The following ITPR1 variants were observed in gnomAD, a reference collection of about 807,000 sequenced individuals.
ITPR1 encodes inositol 1,4,5-trisphosphate receptor type 1, also known as inositol 1,4,5-trisphosphate-gated calcium channel ITPR1.
Under a neutral mutation model 318.4 loss-of-function variants are expected in ITPR1, and 96 were observed. The ratio of observed to expected loss-of-function variants is 0.30; its 90% CI spans 0.26 to 0.36. The LOEUF (loss-of-function observed/expected upper bound fraction) is 0.36, where lower values mean the gene tolerates loss of function less well. Among genes scored for constraint, ITPR1 ranks in the 10% least tolerant of loss-of-function variants. The pLI, the probability that ITPR1 is intolerant of heterozygous loss-of-function variation, is 1.00. For missense variants in ITPR1, 2,440 were observed against 3,460.2 expected (o/e 0.71, Z 7.40); for synonymous variants, 1,312 against 1,289.9 (o/e 1.02, Z -0.37).
At chr3:4,656,882 C>T (rs943556389) in intron 12 of ITPR1, among the ~76,000 whole-genome samples, 2 of 152,180 alleles carry the variant, frequency 1.3e-5, no homozygotes, top group African/African-American at 2.4e-5. Context: ...GAAAATCACG[C>T]GATGTAGAGT....
At chr3:4,727,398 C>T (rs1477586904) in intron 42 of ITPR1, among the ~76,000 whole-genome samples, 1 of 81,356 alleles carries the variant, frequency 1.2e-5, no homozygotes, top group Non-Finnish European at 4.2e-5. Context: ...CAAATAATGA[C>T]CAAGTAAACT....
chr3:4,749,006 G>A (rs1205335775), intron 44 of ITPR1, among the ~76,000 whole-genome samples: 2 of 152,188 alleles, frequency 1.3e-5, no homozygotes, highest in Non-Finnish European at 2.9e-5. Context: ...GCTGACAGAT[G>A]GGCTGATGCG....
intron 34 of ITPR1, among the ~76,000 whole-genome samples, chr3:4,699,598 A>G (rs183452791): frequency 6.6e-6 from 1 of 152,244 alleles, no homozygotes; most frequent in African/African-American, 2.4e-5. Context: ...ACCCATTTTA[A>G]TGTTTGTGAT....
chr3:4,808,569 G>A lies in ITPR1; in HGVS notation c.7272+2302G>A, dbSNP rs140029309. On this transcript the variant is annotated intron_variant, in intron 55 of 61. Transcript: ENST00000649015. ...GTTGGCTGCCTCTCCTGTGCTTTGC[G>A]GGGGGATTTTCTAAGCTGTGTGGAC... Among the ~76,000 whole-genome samples the A allele has an allele frequency of 6.0e-3, 909 of 152,256 alleles. 9 individuals carry two copies. The highest frequency in any genetic ancestry group is 0.019 in the African/African-American group (799 of 41,528).
intron 35 of ITPR1, among the ~76,000 whole-genome samples, chr3:4,701,392 T>C (rs1042682230): frequency 2.6e-5 from 4 of 152,134 alleles, no homozygotes; most frequent in Non-Finnish European, 5.9e-5. Flanking sequence ...CCGTTCTCAT[T>C]GGGCCCTTTG....
chr3:4,537,679 G>A (rs1227150533), intron 4 of ITPR1, among the ~76,000 whole-genome samples: 2 of 152,186 alleles, frequency 1.3e-5, no homozygotes, highest in African/African-American at 4.8e-5. Context: ...TTGGAGTGAT[G>A]TAGCCATGAG....
chr3:4,643,517 T>C (rs562655128), intron 7 of ITPR1, among the ~76,000 whole-genome samples: 1 of 152,128 alleles, frequency 6.6e-6, no homozygotes, highest in Non-Finnish European at 1.5e-5. Context: ...GTTTAGTGGC[T>C]TGTGACTATC....
At position 4,645,571 on chromosome 3, in the gene ITPR1, T is replaced by A. The variant is rs918792463; in HGVS notation, c.709-11T>A. On this transcript the variant is annotated splice_polypyrimidine_tract_variant and intron_variant, in intron 9 of 61. Transcript: ENST00000649015. Reference sequence around the variant, plus strand: ...CTTTTTTCCTTAATTCTTTCTTGTGTTGACTGTCAGGGTGACGTGGTGAGG... The same window carrying A: ...CTTTTTTCCTTAATTCTTTCTTGTGATGACTGTCAGGGTGACGTGGTGAGG... 6.2e-7 allele frequency: 1 copy of A among 1,612,870 alleles called. No individual in the cohort carries two copies. Among genetic ancestry groups the A allele is most frequent in the African/African-American group, 1.3e-5 (1 of 74,904 alleles).
intron 40 of ITPR1, among the ~76,000 whole-genome samples, chr3:4,722,923 C>T (rs567815411): frequency 4.6e-5 from 7 of 152,258 alleles, no homozygotes; most frequent in African/African-American, 1.7e-4. Flanking sequence ...CCGAGGCAGG[C>T]GGATCACTTG....
At position 4,662,306 on chromosome 3, in the gene ITPR1, G is replaced by A. The variant is rs1575973188; in HGVS notation, c.1412+64G>A. On this transcript the variant is annotated intron_variant, in intron 15 of 61. Transcript: ENST00000649015. ...CACTGAGAGTTTCTGACATCCATGGGGTGGAGTGAGAGAATGGTGACTCTG... is the reference window on the plus strand; with the variant it reads ...CACTGAGAGTTTCTGACATCCATGGAGTGGAGTGAGAGAATGGTGACTCTG... The A allele has an allele frequency of 2.2e-6, 3 of 1,366,452 alleles. No homozygotes were observed. In the East Asian group the frequency reaches 7.7e-5, roughly 35 times the overall value. 84.6% of individuals were successfully genotyped at this position (1,366,452 alleles called of 1,614,324 possible).
intron 60 of ITPR1, among the ~76,000 whole-genome samples, chr3:4,818,593 T>C (rs563408374): frequency 6.6e-6 from 1 of 152,242 alleles, no homozygotes; most frequent in African/African-American, 2.4e-5. Flanking sequence ...AGTGCTTTTT[T>C]CCCCTTTCTT....
intron 4 of ITPR1, among the ~76,000 whole-genome samples, chr3:4,619,022 T>G (rs2092493890): frequency 6.6e-6 from 1 of 152,244 alleles, no homozygotes. Flanking sequence ...TACCTTGTTG[T>G]TATTTCGATA....
chr3:4,683,768 A>C lies in ITPR1; in HGVS notation c.3468A>C (p.Ala1156=), dbSNP rs776744113. 6.2e-7 allele frequency: 1 copy of C among 1,614,028 alleles called. No homozygotes were observed. The highest frequency in any genetic ancestry group is 1.7e-5 in the Admixed American group (1 of 60,028). The stretch of plus-strand genomic sequence containing the variant: ...GCCCCGATGAGACTATGGATGGTGC[A>C]TCTGGAGAAAATGAACATAAGAAAA... ...GQGPDETMDG[A]SGENEHKKTE... is the part of the protein sequence containing the mutation. Residue 1156 remains alanine, a synonymous_variant, in exon 28 of 62, where the codon GCA becomes GCC. Coordinates refer to ENST00000649015, the MANE Select transcript of ITPR1 (RefSeq NM_001378452.1).
intron 4 of ITPR1, among the ~76,000 whole-genome samples, chr3:4,571,295 C>T (rs1169134354): frequency 2.0e-5 from 3 of 152,058 alleles, no homozygotes; most frequent in Non-Finnish European, 4.4e-5. Flanking sequence ...ATTGATAACA[C>T]GTAATTTCAC....
chr3:4,580,610 CA>C (rs1428677596), intron 4 of ITPR1, among the ~76,000 whole-genome samples: 1 of 151,316 alleles, frequency 6.6e-6, no homozygotes, highest in East Asian at 1.9e-4. Context: ...TAAAGCGTGT[CA>C]AGGATGTGGC....
chr3:4,531,630 T>A (rs1335160637), intron 4 of ITPR1, among the ~76,000 whole-genome samples: 1 of 152,224 alleles, frequency 6.6e-6, no homozygotes, highest in African/African-American at 2.4e-5. Flanking sequence ...CCAGGTTCTC[T>A]GCTCCATCCA....
chr3:4,707,222 C>T (rs545078416), intron 37 of ITPR1, among the ~76,000 whole-genome samples: 1 of 152,336 alleles, frequency 6.6e-6, no homozygotes, highest in East Asian at 1.9e-4. Context: ...TAAATCACAA[C>T]AATTACCTTA....
chr3:4,611,580 A>G (rs1056178770), intron 4 of ITPR1, among the ~76,000 whole-genome samples: 1 of 151,184 alleles, frequency 6.6e-6, no homozygotes, highest in Non-Finnish European at 1.5e-5. Context: ...AAATAAATAA[A>G]TAAATAAATA....
chr3:4,623,916 A>C (rs1195532186), intron 4 of ITPR1, among the ~76,000 whole-genome samples: 1 of 152,202 alleles, frequency 6.6e-6, no homozygotes, highest in Non-Finnish European at 1.5e-5. Context: ...TTGATGTGGA[A>C]GTTGGAGCAA....
Sources: gnomAD v4.1 joint callset for allele counts (sites outside exome capture counted in the v4.1 genomes callset) on GRCh38, gnomAD v4.1.1 for gene constraint, MANE v1.5 for transcripts, NCBI Gene and HGNC (gene_info 2026-07-23, HGNC 2026-07-21) for gene names.